Variants in PPP2R2B observed in about 807,000 individuals in gnomAD.
PPP2R2B encodes the protein protein phosphatase 2 regulatory subunit Bbeta.
In PPP2R2B, 5 loss-of-function variants were observed where a neutral mutation model predicts 46.0. That is an observed-to-expected ratio of 0.11 (90% CI 0.06 to 0.23). The LOEUF (loss-of-function observed/expected upper bound fraction) is 0.23. PPP2R2B is among the 10% of genes least tolerant of loss of function. The pLI is 1.00. For synonymous variants in PPP2R2B, 215 were observed against 206.7 expected (o/e 1.04, Z -0.34); for missense variants, 367 against 575.0 (o/e 0.64, Z 3.70).
chr5:146,964,954 T>C (rs1752338579), intron 1 of PPP2R2B, among the ~76,000 whole-genome samples: 1 of 152,166 alleles, frequency 6.6e-6, no homozygotes, highest in African/African-American at 2.4e-5. Flanking sequence ...TTCCCATCTG[T>C]AAAATGAAGA....
At chr5:146,786,554 CA>C (rs1755849888) in intron 2 of PPP2R2B, among the ~76,000 whole-genome samples, 1 of 152,190 alleles carries the variant, frequency 6.6e-6, no homozygotes, top group South Asian at 2.1e-4. Flanking sequence ...AGGTTACTTC[CA>C]GACAATTTAA....
intron 2 of PPP2R2B, among the ~76,000 whole-genome samples, chr5:146,802,349 AG>A (rs1314222950): frequency 3.3e-5 from 5 of 152,160 alleles, no homozygotes; most frequent in Non-Finnish European, 5.9e-5. Flanking sequence ...AGAACTCAAC[AG>A]GGGGGTGGCA....
chr5:147,046,237 A>C (rs1413634449), intron 1 of PPP2R2B, among the ~76,000 whole-genome samples: 1 of 152,220 alleles, frequency 6.6e-6, no homozygotes, highest in Non-Finnish European at 1.5e-5. Flanking sequence ...CAGTTGACAG[A>C]ATACTGAATT....
intron 1 of PPP2R2B, chr5:147,035,266 G>C (rs1023483461): frequency 5.2e-6 from 2 of 383,388 alleles, no homozygotes; most frequent in Non-Finnish European, 1.0e-5. Flanking sequence ...GAGAGAAAGA[G>C]AGAGAGTGAG....
intron 1 of PPP2R2B, among the ~76,000 whole-genome samples, chr5:146,945,499 C>T (rs1764451004): frequency 6.6e-6 from 1 of 152,092 alleles, no homozygotes; most frequent in African/African-American, 2.4e-5. Flanking sequence ...GGGCACTGTC[C>T]AAGTCCGATA....
intron 2 of PPP2R2B, among the ~76,000 whole-genome samples, chr5:147,063,611 C>T (rs1000750942): frequency 2.6e-5 from 4 of 152,188 alleles, no homozygotes; most frequent in African/African-American, 9.6e-5. Context: ...ACTGTCCTAT[C>T]TGCCTCCTTC....
At chr5:146,736,112 G>C (rs1752520781) in intron 2 of PPP2R2B, among the ~76,000 whole-genome samples, 3 of 152,092 alleles carry the variant, frequency 2.0e-5, no homozygotes, top group Admixed American at 1.3e-4. Flanking sequence ...CATGAGATCT[G>C]ATGGTTTCAT....
At chr5:146,723,773 G>T (rs902717906) in intron 2 of PPP2R2B, among the ~76,000 whole-genome samples, 1 of 151,980 alleles carries the variant, frequency 6.6e-6, no homozygotes, top group Non-Finnish European at 1.5e-5. Context: ...TCCCATCTCT[G>T]TGCTTAAAAT....
At chr5:147,022,271 T>G (rs909727936) in intron 1 of PPP2R2B, among the ~76,000 whole-genome samples, 1 of 151,812 alleles carries the variant, frequency 6.6e-6, no homozygotes, top group Non-Finnish European at 1.5e-5. Flanking sequence ...TAGCTAAAAT[T>G]TTCTGGCCAG....
chr5:147,073,111 C>T lies in PPP2R2B; in HGVS notation c.50+7948G>A, dbSNP rs865942151. Among the ~76,000 whole-genome samples the T allele has an allele frequency of 1.2e-4, 19 of 152,344 alleles. 4 individuals are homozygous for T. The Middle Eastern group carries it at 0.041, about 327-fold the overall frequency. ...CCATGACTGGCCTCATCGTCCAGCC[C>T]AGTGCCTGGCACATACTAGGTGCTC... On this transcript the variant is annotated intron_variant, in intron 2 of 10. Transcript: ENST00000394413.
chr5:146,923,476 G>T (rs1763678177), intron 1 of PPP2R2B, among the ~76,000 whole-genome samples: 1 of 152,168 alleles, frequency 6.6e-6, no homozygotes, highest in Non-Finnish European at 1.5e-5. Context: ...AACACGATAA[G>T]ATCATTGCAC....
At chr5:147,005,349 A>G (rs1275442845) in intron 1 of PPP2R2B, among the ~76,000 whole-genome samples, 4 of 152,252 alleles carry the variant, frequency 2.6e-5, no homozygotes, top group East Asian at 1.9e-4. Context: ...ACCAGTGCCC[A>G]GTTAGCAGAA....
chr5:147,055,834 A>T (rs1362349171), exon 1 of PPP2R2B: 2 of 1,524,484 alleles, frequency 1.3e-6, no homozygotes, highest in Non-Finnish European at 1.8e-6. Context: ...TACATCACCA[A>T]TATGTTTATG....
chr5:147,040,840 G>A (rs891664832), intron 1 of PPP2R2B: 7 of 434,252 alleles, frequency 1.6e-5, no homozygotes, highest in Non-Finnish European at 3.2e-5. Context: ...AAATAATAGT[G>A]CCATTACACA....
chr5:146,789,348 C>G (rs1756045443), intron 2 of PPP2R2B, among the ~76,000 whole-genome samples: 1 of 152,120 alleles, frequency 6.6e-6, no homozygotes, highest in African/African-American at 2.4e-5. Flanking sequence ...AACATGTTCA[C>G]TATCATCAAT....
At chr5:146,871,697 G>A (rs533452339) in intron 2 of PPP2R2B, among the ~76,000 whole-genome samples, 4 of 152,168 alleles carry the variant, frequency 2.6e-5, no homozygotes, top group Non-Finnish European at 5.9e-5. Context: ...GTGGAGGGTG[G>A]AGCACAACTT....
At chr5:146,847,061 A>G (rs1313326188) in intron 2 of PPP2R2B, among the ~76,000 whole-genome samples, 1 of 152,184 alleles carries the variant, frequency 6.6e-6, no homozygotes, top group African/African-American at 2.4e-5. Flanking sequence ...ACTACTGTTC[A>G]AATCCTTTAA....
chr5:146,975,240 A>G (rs1752846687), intron 1 of PPP2R2B, among the ~76,000 whole-genome samples: 3 of 152,284 alleles, frequency 2.0e-5, no homozygotes, highest in South Asian at 2.1e-4. Context: ...TATACCTCAT[A>G]TAAGTAAAAT....
intron 1 of PPP2R2B, among the ~76,000 whole-genome samples, chr5:146,912,512 C>CTTT (rs58947506): frequency 6.9e-6 from 1 of 144,452 alleles, no homozygotes. Flanking sequence ...TTTCTTTTTT[C>CTTT]TTTTTTTTTT....
Sources: gnomAD v4.1 joint callset for allele counts (sites outside exome capture counted in the v4.1 genomes callset) on GRCh38, gnomAD v4.1.1 for gene constraint, MANE v1.5 for transcripts, NCBI Gene and HGNC (gene_info 2026-07-23, HGNC 2026-07-21) for gene names.